The following PNLIPRP3 variants were observed in gnomAD, a reference collection of about 807,000 sequenced individuals.
The protein encoded by PNLIPRP3 is pancreatic lipase related protein 3, also known as pancreatic lipase-related protein 3.
PNLIPRP3 carries 58 observed loss-of-function variants against 52.8 expected under a neutral mutation model. The observed-to-expected ratio is 1.10, with a 90% CI of 0.89 to 1.37. PNLIPRP3 has a LOEUF of 1.37. PNLIPRP3 is among the 40% of genes most tolerant of loss of function. The pLI is 0.00. For synonymous variants in PNLIPRP3, 192 were observed against 185.0 expected (o/e 1.04, Z -0.31); for missense variants, 593 against 561.6 (o/e 1.06, Z -0.57).
intron 4 of PNLIPRP3, among the ~76,000 whole-genome samples, chr10:116,448,290 A>T (rs1845985371): frequency 6.6e-6 from 1 of 152,222 alleles, no homozygotes; most frequent in South Asian, 2.1e-4. Flanking sequence ...TGTGATGTGA[A>T]CAAGTAAAAG....
In PNLIPRP3 at chr10:116,476,501, CT is replaced by C. The variant is rs1178408878; in HGVS notation, c.1173-150del. On this transcript the variant is annotated intron_variant, in intron 10 of 11. Transcript: ENST00000369230. ...TTCAGAACCATGCTATTCTGAGATG[CT>C]GATCAATACACATGGAAAGAATAAA... 1.4e-5 allele frequency: 7 copies of C among 508,358 alleles called. No homozygotes were observed. In the African/African-American group the frequency reaches 1.4e-4, roughly 10 times the overall value. 31.5% of individuals were successfully genotyped at this position (508,358 alleles called of 1,614,324 possible). A position where few individuals can be genotyped will look rare whatever the true frequency, so the allele number is the denominator to read the frequency against.
chr10:116,443,683 A>T (rs1256188300), intron 3 of PNLIPRP3, among the ~76,000 whole-genome samples: 2 of 138,042 alleles, frequency 1.4e-5, no homozygotes, highest in African/African-American at 5.3e-5. Context: ...ATATAAACAC[A>T]TATATATAAA....
intron 4 of PNLIPRP3, among the ~76,000 whole-genome samples, chr10:116,445,118 G>C (rs1845924879): frequency 6.6e-6 from 1 of 152,068 alleles, no homozygotes; most frequent in South Asian, 2.1e-4. Context: ...TTTTAAGGAG[G>C]GTTCATTCAT....
At chr10:116,439,790 T>A (rs1172136321) in intron 2 of PNLIPRP3, 1 of 773,964 alleles carries the variant, frequency 1.3e-6, no homozygotes, top group South Asian at 1.3e-5. Context: ...GGATCCTTCT[T>A]CTTGCCTCCC....
chr10:116,444,461 A>G lies in PNLIPRP3; in HGVS notation c.404A>G (p.Asn135Ser). 1 of 1,613,734 alleles carries G rather than the reference A, an allele frequency of 6.2e-7. No homozygotes were observed. Among genetic ancestry groups the G allele is most frequent in the Non-Finnish European group, 8.5e-7 (1 of 1,179,658 alleles). ...NGSREYIHAV[N>S]NLRVVGAEVA... Reference sequence around the variant, plus strand: ...TCACGGGAATACATCCATGCTGTAAACAATCTCCGTGTTGTTGGTGCTGAG... The same window carrying G: ...TCACGGGAATACATCCATGCTGTAAGCAATCTCCGTGTTGTTGGTGCTGAG... Residue 135 changes from asparagine to serine, a missense_variant, in exon 4 of 12, where the codon AAC (asparagine) becomes AGC (serine). By Grantham distance (46) the Asn-to-Ser change is conservative. Transcript: ENST00000369230.
intron 7 of PNLIPRP3, 45 bp downstream of exon 7, chr10:116,461,335 T>C (rs2133144940): frequency 6.3e-7 from 1 of 1,588,878 alleles, no homozygotes; most frequent in East Asian, 2.2e-5. Flanking sequence ...CATATTCACT[T>C]AGCTCTCTCC....
intron 10 of PNLIPRP3, among the ~76,000 whole-genome samples, chr10:116,473,422 C>T (rs1846405759): frequency 6.6e-6 from 1 of 152,154 alleles, no homozygotes; most frequent in Admixed American, 6.6e-5. Flanking sequence ...TATTTTTAAT[C>T]CCATCCATTT....
chr10:116,428,929 C>T (rs1048421366), intron 1 of PNLIPRP3, among the ~76,000 whole-genome samples: 5 of 152,044 alleles, frequency 3.3e-5, no homozygotes, highest in Admixed American at 3.3e-4. Context: ...GGTTTTAGTC[C>T]TCGTTCTGCT....
chr10:116,456,733 C>G (rs1263505577), intron 5 of PNLIPRP3, among the ~76,000 whole-genome samples: 1 of 152,190 alleles, frequency 6.6e-6, no homozygotes, highest in Non-Finnish European at 1.5e-5. Flanking sequence ...GTCAAAGCAA[C>G]AGCTCCTTTA....
At chr10:116,449,530 G>C (rs1300803224) in intron 4 of PNLIPRP3, among the ~76,000 whole-genome samples, 1 of 151,984 alleles carries the variant, frequency 6.6e-6, no homozygotes, top group Non-Finnish European at 1.5e-5. Flanking sequence ...CAATTCACCA[G>C]GAAGATATAA....
chr10:116,438,284 G>C (rs1240003122), intron 2 of PNLIPRP3, among the ~76,000 whole-genome samples: 1 of 152,170 alleles, frequency 6.6e-6, no homozygotes, highest in Non-Finnish European at 1.5e-5. Context: ...AGGACTAGGA[G>C]TGGTTGGAGG....
chr10:116,436,921 A>G (rs1425749724), intron 2 of PNLIPRP3, 56 bp downstream of exon 2: 7 of 1,474,118 alleles, frequency 4.7e-6, no homozygotes, highest in Admixed American at 4.2e-5. Flanking sequence ...AGATTTGCCT[A>G]TAGATACAGA....
At chr10:116,434,552 C>T (rs776326304) in intron 1 of PNLIPRP3, among the ~76,000 whole-genome samples, 66 of 152,102 alleles carry the variant, frequency 4.3e-4, no homozygotes, top group Non-Finnish European at 8.7e-4. Flanking sequence ...CATCCATTTT[C>T]CTTTAACTTT....
At chr10:116,436,687 T>G (rs1277069949) in intron 1 of PNLIPRP3, 24 bp from the exon 2 acceptor site, 2 of 1,584,058 alleles carry the variant, frequency 1.3e-6, no homozygotes, top group African/African-American at 2.7e-5. Flanking sequence ...TCCTCTATAC[T>G]GACACTCCAC....
rs151294941 is a variant in PNLIPRP3 at position 116,449,489 on chromosome 10, G to T, written c.456+4976G>T. ...CTTTACGTCAGAAAGTATCACAAGT[G>T]ACAAAGGTCATTATATAATGATAAA... On this transcript the variant is annotated intron_variant, in intron 4 of 11. Coordinates refer to ENST00000369230, the MANE Select transcript of PNLIPRP3 (RefSeq NM_001011709.3). Among the ~76,000 whole-genome samples, 103 of 152,226 alleles carry T rather than the reference G, an allele frequency of 6.8e-4. No homozygotes were observed. In the East Asian group the frequency reaches 0.019, roughly 28 times the overall value.
chr10:116,471,894 A>C lies in PNLIPRP3; in HGVS notation c.1172+15A>C, dbSNP rs10749217. The C allele has an allele frequency of 0.82, 1,236,296 of 1,511,822 alleles. 508,185 individuals are homozygous for C. The highest frequency in any genetic ancestry group is 0.84 in the Middle Eastern group (4,915 of 5,886). The allele number at this position is 1,511,822 out of a possible 1,614,324, so 93.7% of individuals were successfully genotyped here. On this transcript the variant is annotated intron_variant, in intron 10 of 11. Transcript: ENST00000369230. ...GCCATTGTCAGGTAGGCAGAGTGAG[A>C]AACTGACGCTTTGCACAGTGCTGGG...
intron 5 of PNLIPRP3, among the ~76,000 whole-genome samples, chr10:116,460,458 T>A (rs1846175612): frequency 6.6e-6 from 1 of 152,184 alleles, no homozygotes; most frequent in Non-Finnish European, 1.5e-5. Flanking sequence ...ATGATAACCT[T>A]GTCCAGTCAC....
chr10:116,440,066 G>T, intron 2 of PNLIPRP3: 1 of 707,258 alleles, frequency 1.4e-6, no homozygotes, highest in Non-Finnish European at 2.5e-6. Context: ...TTGTTCGCTA[G>T]TAGATCAACT....
chr10:116,428,122 G>A (rs1845662989), intron 1 of PNLIPRP3, 61 bp downstream of exon 1: 1 of 1,191,628 alleles, frequency 8.4e-7, no homozygotes, highest in Non-Finnish European at 1.2e-6. Flanking sequence ...CATCTAAAAT[G>A]TAATTGACAT....
Sources: gnomAD v4.1 joint callset for allele counts (sites outside exome capture counted in the v4.1 genomes callset) on GRCh38, gnomAD v4.1.1 for gene constraint, MANE v1.5 for transcripts, NCBI Gene and HGNC (gene_info 2026-07-23, HGNC 2026-07-21) for gene names.